The following CFDP1 variants were observed in gnomAD, a reference collection of about 807,000 sequenced individuals.
The protein encoded by CFDP1 is heterochromatin-stabilizing protein CFDP1.
Under a neutral mutation model 40.1 loss-of-function variants are expected in CFDP1, and 31 were observed. The ratio of observed to expected loss-of-function variants is 0.77; its 90% CI spans 0.58 to 1.04. The LOEUF (loss-of-function observed/expected upper bound fraction) is 1.04. Among genes scored for constraint, CFDP1 ranks in the 50% least tolerant of loss-of-function variants. CFDP1 has a pLI of 0.00. For synonymous variants in CFDP1, 167 were observed against 120.0 expected (o/e 1.39, Z -2.56); for missense variants, 423 against 343.4 (o/e 1.23, Z -1.83).
intron 5 of CFDP1, among the ~76,000 whole-genome samples, chr16:75,356,907 CTTTCTTT>C (rs2078648211): frequency 5.2e-5 from 2 of 38,454 alleles, no homozygotes; most frequent in Admixed American, 4.4e-4. Context: ...CAGCTGCTTT[CTTTCTTT>C]TTTTTTTTTT....
At chr16:75,368,883 T>G (rs1051306788) in intron 5 of CFDP1, among the ~76,000 whole-genome samples, 1 of 150,592 alleles carries the variant, frequency 6.6e-6, no homozygotes, top group African/African-American at 2.4e-5. Context: ...TGTTTGTTTG[T>G]TTTTTTTTAA....
chr16:75,293,829 T>G lies in CFDP1; in HGVS notation c.*123A>C. 1 of 718,062 alleles carries G rather than the reference T, an allele frequency of 1.4e-6. No homozygotes were observed. Among genetic ancestry groups the G allele is most frequent in the Non-Finnish European group, 2.3e-6 (1 of 435,902 alleles). The allele number at this position is 718,062 out of a possible 1,614,324, so 44.5% of individuals were successfully genotyped here. A position where few individuals can be genotyped will look rare whatever the true frequency, so the allele number is the denominator to read the frequency against. On this transcript the variant is annotated 3_prime_UTR_variant, in exon 7 of 7. Transcript: ENST00000283882. ...TTAAGATACATAGACAGAACTTCAA[T>G]GTAGAAAAAAAAAAGACCTTGCTGG...
intron 1 of CFDP1, among the ~76,000 whole-genome samples, chr16:75,426,579 G>A (rs1218549830): frequency 6.6e-6 from 1 of 152,010 alleles, no homozygotes; most frequent in Non-Finnish European, 1.5e-5. Flanking sequence ...CAGAGGCTGA[G>A]GCAGGAAAAT....
chr16:75,359,177 A>C (rs933265956), intron 5 of CFDP1, among the ~76,000 whole-genome samples: 4 of 152,212 alleles, frequency 2.6e-5, no homozygotes, highest in Non-Finnish European at 5.9e-5. Context: ...ATATTAAAGA[A>C]ATTTACAAAA....
At chr16:75,297,184 GTGTGTGTGTGTT>G (rs2078189459) in intron 6 of CFDP1, among the ~76,000 whole-genome samples, 4 of 150,456 alleles carry the variant, frequency 2.7e-5, no homozygotes, top group Non-Finnish European at 5.9e-5. Flanking sequence ...GTGTGTGTGT[GTGTGTGTGTGTT>G]TTTAGTAGAG....
intron 1 of CFDP1, among the ~76,000 whole-genome samples, chr16:75,431,390 C>T (rs1343754918): frequency 1.6e-5 from 2 of 128,816 alleles, no homozygotes; most frequent in African/African-American, 5.8e-5. Flanking sequence ...GGAGGCAGAG[C>T]TTGCAGTGAG....
At chr16:75,371,752 A>C (rs968319488) in intron 5 of CFDP1, among the ~76,000 whole-genome samples, 7 of 152,190 alleles carry the variant, frequency 4.6e-5, no homozygotes, top group Non-Finnish European at 8.8e-5. Flanking sequence ...TTCTCCTCCA[A>C]CTCAAAGGTT....
intron 5 of CFDP1, among the ~76,000 whole-genome samples, chr16:75,380,574 A>G (rs1265477920): frequency 6.6e-6 from 1 of 152,182 alleles, no homozygotes; most frequent in Non-Finnish European, 1.5e-5. Context: ...AAAAAATCAC[A>G]TAACAGCCCA....
chr16:75,391,133 A>C (rs1184760407), intron 5 of CFDP1: 1 of 152,230 alleles, frequency 6.6e-6, no homozygotes, highest in Non-Finnish European at 1.5e-5. Context: ...TATTTTCATA[A>C]TTATAGTAGC....
At chr16:75,397,237 A>G (rs538748004) in intron 4 of CFDP1, among the ~76,000 whole-genome samples, 1 of 150,698 alleles carries the variant, frequency 6.6e-6, no homozygotes, top group Non-Finnish European at 1.5e-5. Context: ...AAACCAGGCC[A>G]GGTACAGTGG....
In CFDP1 at chr16:75,334,761, C is replaced by A. The variant is rs118072302; in HGVS notation, c.651-29579G>T. ...CTGGAGGTGAGGAGTTCAGGACCAA[C>A]CTGGCCAACATGGCAAAACCCAGTC... On this transcript the variant is annotated intron_variant, in intron 5 of 6. Coordinates refer to ENST00000283882, the MANE Select transcript of CFDP1 (RefSeq NM_006324.3). Among the ~76,000 whole-genome samples, 793 of 152,176 alleles carry A rather than the reference C, an allele frequency of 5.2e-3. 2 individuals carry two copies. The highest frequency in any genetic ancestry group is 0.017 in the Middle Eastern group (5 of 294).
At chr16:75,366,652 G>A (rs373194171) in intron 5 of CFDP1, among the ~76,000 whole-genome samples, 6 of 152,002 alleles carry the variant, frequency 3.9e-5, no homozygotes, top group Non-Finnish European at 8.8e-5. Flanking sequence ...CAAAAAAACC[G>A]TTATAGGGAG....
At chr16:75,375,157 T>C (rs1326917857) in intron 5 of CFDP1, among the ~76,000 whole-genome samples, 2 of 151,440 alleles carry the variant, frequency 1.3e-5, no homozygotes, top group Non-Finnish European at 2.9e-5. Flanking sequence ...CAAAATCTTC[T>C]CAACCTTATA....
intron 5 of CFDP1, among the ~76,000 whole-genome samples, chr16:75,373,899 T>G (rs2078772202): frequency 6.6e-6 from 1 of 152,184 alleles, no homozygotes; most frequent in African/African-American, 2.4e-5. Flanking sequence ...ACAAACATAC[T>G]GTTTCTCAGA....
intron 5 of CFDP1, among the ~76,000 whole-genome samples, chr16:75,382,144 G>C (rs1020273029): frequency 5.3e-5 from 8 of 151,010 alleles, no homozygotes; most frequent in African/African-American, 7.3e-5. Context: ...AAAAAGCTCA[G>C]AGGCATACCA....
intron 5 of CFDP1, among the ~76,000 whole-genome samples, chr16:75,344,094 C>A (rs2078545582): frequency 6.6e-6 from 1 of 152,158 alleles, no homozygotes. Context: ...CTGTAATAAA[C>A]CAGTTACTTA....
At chr16:75,431,695 G>A (rs1437277313) in intron 1 of CFDP1, among the ~76,000 whole-genome samples, 2 of 152,046 alleles carry the variant, frequency 1.3e-5, no homozygotes, top group African/African-American at 4.8e-5. Context: ...AGGTTCAACG[G>A]CAGACTACGG....
At chr16:75,428,131 GT>G (rs35270132) in intron 1 of CFDP1, among the ~76,000 whole-genome samples, 73,518 of 142,442 alleles carry the variant, frequency 0.52, 19,154 homozygotes, top group Admixed American at 0.64. Flanking sequence ...GGGGAAATTT[GT>G]TTTTTTTTTT....
chr16:75,383,244 C>T (rs192287633), intron 5 of CFDP1, among the ~76,000 whole-genome samples: 28 of 152,240 alleles, frequency 1.8e-4, no homozygotes, highest in Admixed American at 1.3e-3. Context: ...CAATCCTTGA[C>T]CAAAATAATT....
Sources: allele counts gnomAD v4.1 joint callset (sites outside exome capture counted in the v4.1 genomes callset), GRCh38; gene constraint gnomAD v4.1.1; transcripts MANE v1.5; gene names NCBI Gene and HGNC (gene_info 2026-07-23, HGNC 2026-07-21).